PCDHA8: variants seen among roughly 807,000 people sequenced by gnomAD.
PCDHA8 encodes protocadherin alpha 8, also known as protocadherin alpha-8.
Under a neutral mutation model 61.8 loss-of-function variants are expected in PCDHA8, and 53 were observed. The ratio of observed to expected loss-of-function variants is 0.86; its 90% CI spans 0.69 to 1.08. PCDHA8 has a LOEUF of 1.08. PCDHA8 is among the 50% of genes least tolerant of loss of function. The probability of loss-of-function intolerance (pLI) is 0.00; values close to 1 mark genes in which losing one functional copy is unlikely to be tolerated. For synonymous variants in PCDHA8, 618 were observed against 556.6 expected (o/e 1.11, Z -1.55); for missense variants, 1,293 against 1,245.0 (o/e 1.04, Z -0.58).
intron 1 of PCDHA8, chr5:140,870,201 G>T: frequency 6.2e-7 from 1 of 1,614,140 alleles, no homozygotes; most frequent in South Asian, 1.1e-5. Flanking sequence ...AGCCCAGCAC[G>T]GTCATTGCCC....
chr5:140,950,981 TG>T (rs1443074941), intron 1 of PCDHA8, among the ~76,000 whole-genome samples: 1 of 152,138 alleles, frequency 6.6e-6, no homozygotes, highest in East Asian at 1.9e-4. Context: ...CATTGACTTT[TG>T]CCTCTTTTAG....
At chr5:140,986,954 C>T (rs2097219916) in intron 3 of PCDHA8, among the ~76,000 whole-genome samples, 1 of 152,154 alleles carries the variant, frequency 6.6e-6, no homozygotes, top group African/African-American at 2.4e-5. Context: ...TCGCTCATGC[C>T]TGTAATTCCA....
chr5:140,987,035 G>A (rs992580023), intron 3 of PCDHA8, among the ~76,000 whole-genome samples: 2 of 151,946 alleles, frequency 1.3e-5, no homozygotes, highest in African/African-American at 4.8e-5. Flanking sequence ...TCAACATGGC[G>A]AAACCCCATC....
chr5:140,945,596 T>C (rs2093812585), intron 1 of PCDHA8, among the ~76,000 whole-genome samples: 1 of 152,060 alleles, frequency 6.6e-6, no homozygotes, highest in Admixed American at 6.6e-5. Context: ...ACTTCAAAGC[T>C]ATAATAATCA....
intron 1 of PCDHA8, among the ~76,000 whole-genome samples, chr5:140,891,886 G>A (rs1554184992): frequency 1.3e-5 from 2 of 152,186 alleles, no homozygotes; most frequent in East Asian, 1.9e-4. Context: ...GTCATGTGAC[G>A]ATGCAGCAAG....
In PCDHA8 at chr5:140,843,362, AGGCAGTC is replaced by A; in HGVS notation, c.2045_2051del (p.Gln682LeufsTer17). On this transcript the variant is annotated frameshift_variant, in exon 1 of 4. Transcript: ENST00000531613. LOFTEE classifies it high-confidence loss of function. The stretch of plus-strand genomic sequence containing the variant: ...CGGCCAGGCTCCAAAAGCGTCATCG[AGGCAGTC>A]GGCTGGCGTTTTGGGTCCGGAAGCG... 4 of 1,595,998 alleles carry A rather than the reference AGGCAGTC, an allele frequency of 2.5e-6. No individual in the cohort carries two copies. The highest frequency in any genetic ancestry group is 3.4e-6 in the Non-Finnish European group (4 of 1,165,566).
intron 3 of PCDHA8, among the ~76,000 whole-genome samples, chr5:141,004,011 CT>C (rs1220756747): frequency 2.6e-4 from 40 of 152,200 alleles, no homozygotes; most frequent in African/African-American, 9.4e-4. Context: ...GGAGGCAGCA[CT>C]GAAAGAAGAA....
intron 1 of PCDHA8, chr5:140,858,254 A>G (rs1325415176): frequency 6.3e-7 from 1 of 1,596,926 alleles, no homozygotes; most frequent in Non-Finnish European, 8.6e-7. Flanking sequence ...GGTGAAGCCC[A>G]CGCTGGTGTG....
intron 1 of PCDHA8, among the ~76,000 whole-genome samples, chr5:140,954,167 CT>C (rs1366012595): frequency 2.6e-5 from 4 of 152,212 alleles, no homozygotes; most frequent in African/African-American, 9.6e-5. Context: ...ACCACATTTT[CT>C]TTATCCAGTC....
chr5:140,865,248 G>C (rs2048793700), intron 1 of PCDHA8: 1 of 152,148 alleles, frequency 6.6e-6, no homozygotes, highest in Non-Finnish European at 1.5e-5. Context: ...ATTTATAGCT[G>C]TAAGGATGTG....
At chr5:141,000,410 TA>T (rs2097918693) in intron 3 of PCDHA8, among the ~76,000 whole-genome samples, 2 of 101,940 alleles carry the variant, frequency 2.0e-5, no homozygotes, top group African/African-American at 7.8e-5. Flanking sequence ...TATATATATA[TA>T]TATATATATA....
intron 1 of PCDHA8, chr5:140,870,869 T>C (rs371526005): frequency 8.1e-6 from 13 of 1,613,770 alleles, no homozygotes; most frequent in Non-Finnish European, 1.1e-5. Context: ...GCGGGCCACG[T>C]GGTGGCGAAG....
At chr5:140,905,395 G>T (rs1562949609) in intron 1 of PCDHA8, among the ~76,000 whole-genome samples, 1 of 152,166 alleles carries the variant, frequency 6.6e-6, no homozygotes. Context: ...AGGTCTGTGT[G>T]CCTATTTTTA....
chr5:140,904,619 T>C (rs1554191627), intron 1 of PCDHA8, among the ~76,000 whole-genome samples: 1 of 152,126 alleles, frequency 6.6e-6, no homozygotes, highest in African/African-American at 2.4e-5. Context: ...GTTTTACTTT[T>C]AGTTCTTTAA....
At chr5:140,870,424 T>C (rs782689834) in intron 1 of PCDHA8, 6 of 1,614,156 alleles carry the variant, frequency 3.7e-6, no homozygotes, top group Non-Finnish European at 5.1e-6. Flanking sequence ...GGCCAGGGTA[T>C]CCGTGGAGGT....
In PCDHA8 at chr5:140,843,265, G is replaced by T. The variant is rs2150356257; in HGVS notation, c.1944G>T (p.Leu648=). ...CGGACTCTCCGCGCCACCGTCTGCT[G>T]GTCCTGGTGAAGGATCATGGTGAAC... The part of the protein sequence containing the change: ...DEADSPRHRL[L]VLVKDHGEPA... Residue 648 remains leucine (L), a synonymous_variant, in exon 1 of 4, where the codon CTG becomes CTT. Transcript: ENST00000531613. 33 of 1,595,976 alleles carry T rather than the reference G, an allele frequency of 2.1e-5. 4 individuals are homozygous for T. Among genetic ancestry groups the T allele is most frequent in the Non-Finnish European group, 2.7e-5 (32 of 1,165,590 alleles).
At chr5:140,937,328 C>T (rs191377007) in intron 1 of PCDHA8, among the ~76,000 whole-genome samples, 9 of 152,066 alleles carry the variant, frequency 5.9e-5, no homozygotes, top group Admixed American at 5.2e-4. Context: ...TGAGCCACCG[C>T]GCCCGGCTTC....
At chr5:140,929,481 A>G (rs1192778322) in intron 1 of PCDHA8, 4 of 1,195,836 alleles carry the variant, frequency 3.3e-6, no homozygotes, top group Non-Finnish European at 4.5e-6. Flanking sequence ...GGAAGTATAG[A>G]AGTATTAGAA....
chr5:140,958,915 G>T (rs1162016056), intron 1 of PCDHA8, among the ~76,000 whole-genome samples: 13 of 150,674 alleles, frequency 8.6e-5, no homozygotes, highest in Non-Finnish European at 1.8e-4. Flanking sequence ...AAGTCTGCCT[G>T]GGTGTGGTGG....
Sources: allele counts gnomAD v4.1 joint callset (sites outside exome capture counted in the v4.1 genomes callset), GRCh38; gene constraint gnomAD v4.1.1; transcripts MANE v1.5; gene names NCBI Gene and HGNC (gene_info 2026-07-23, HGNC 2026-07-21).